The following KSR1 variants were observed in gnomAD, a reference collection of about 807,000 sequenced individuals.
KSR1 encodes the protein kinase suppressor of ras.
A neutral mutation model predicts 92.9 loss-of-function variants in KSR1; 35 were observed. The ratio of observed to expected loss-of-function variants is 0.38; its 90% confidence interval spans 0.29 to 0.50. KSR1 has a LOEUF of 0.50. KSR1 is among the 20% of genes least tolerant of loss of function. The pLI, the probability that KSR1 is intolerant of heterozygous loss-of-function variation, is 0.94. For synonymous variants in KSR1, 467 were observed against 472.6 expected, an observed-to-expected ratio of 0.99 and a Z score of 0.15; for missense variants, 972 against 1,158.5, an observed-to-expected ratio of 0.84 and a Z score of 2.34.
intron 1 of KSR1, among the ~76,000 whole-genome samples, chr17:27,548,825 CA>C (rs545406045): frequency 8.6e-4 from 121 of 140,018 alleles, no homozygotes; most frequent in Admixed American, 1.1e-3. Context: ...GTGACCATCT[CA>C]AAAAAAAAAA....
intron 1 of KSR1, among the ~76,000 whole-genome samples, chr17:27,524,637 A>G (rs1477236490): frequency 6.6e-6 from 1 of 152,224 alleles, no homozygotes; most frequent in Non-Finnish European, 1.5e-5. Flanking sequence ...CTGCCCCAGG[A>G]ATTGGGGAAG....
chr17:27,552,877 C>T (rs899834927), intron 2 of KSR1, among the ~76,000 whole-genome samples: 7 of 152,224 alleles, frequency 4.6e-5, no homozygotes, highest in Admixed American at 3.9e-4. Flanking sequence ...TCTGGCGTGT[C>T]ATGATGGGTA....
In KSR1 at chr17:27,582,770, G is replaced by A. The variant is rs2072814685; in HGVS notation, c.645G>A (p.Leu215=). 6.2e-7 allele frequency: 1 copy of A among 1,613,724 alleles called. No individual in the cohort carries two copies. ...SLPWPPGSSQ[L]GRAGNSAQGP... is the part of the protein sequence containing the mutation. ...CCTGGCCCCCAGGGAGCTCCCAGCT[G>A]GGCAGAGCAGGCAACAGCGCCCAGG... Residue 215 remains leucine, a synonymous_variant, in exon 4 of 21, where the codon CTG becomes CTA. Transcript: ENST00000644974.
intron 1 of KSR1, among the ~76,000 whole-genome samples, chr17:27,464,165 C>G (rs1372038999): frequency 6.6e-6 from 1 of 152,146 alleles, no homozygotes; most frequent in Non-Finnish European, 1.5e-5. Context: ...AAGGGGTTTC[C>G]TGCAGGAAGA....
chr17:27,583,952 G>T, intron 4 of KSR1: 1 of 984,080 alleles, frequency 1.0e-6, no homozygotes, highest in Non-Finnish European at 1.2e-6. Flanking sequence ...TAGCAGTTTT[G>T]TGTATGTCTA....
intron 3 of KSR1, chr17:27,578,789 G>C (rs988678816): frequency 6.6e-6 from 1 of 152,280 alleles, no homozygotes; most frequent in Non-Finnish European, 1.5e-5. Context: ...CTGTCTACCT[G>C]TCCTAGATGC....
At chr17:27,578,024 G>A (rs1852265310) in intron 3 of KSR1, 1 of 360,036 alleles carries the variant, frequency 2.8e-6, no homozygotes, top group East Asian at 7.6e-5. Context: ...TCTGTGCTCA[G>A]AAGGCACATG....
At chr17:27,570,099 G>A (rs987841090) in intron 2 of KSR1, among the ~76,000 whole-genome samples, 1 of 152,212 alleles carries the variant, frequency 6.6e-6, no homozygotes, top group Non-Finnish European at 1.5e-5. Flanking sequence ...CCTCCTTGGA[G>A]GAGCCTCCTG....
intron 3 of KSR1, 75 bp from the exon 4 acceptor site, chr17:27,582,571 C>G (rs2072805073): frequency 7.4e-7 from 1 of 1,358,560 alleles, no homozygotes; most frequent in Non-Finnish European, 1.0e-6. Context: ...TGTTGAACAT[C>G]TCTGGCCCCT....
At chr17:27,549,866 T>C (rs2071328891) in intron 1 of KSR1, among the ~76,000 whole-genome samples, 1 of 152,028 alleles carries the variant, frequency 6.6e-6, no homozygotes, top group Non-Finnish European at 1.5e-5. Flanking sequence ...TTATAGGGGG[T>C]TAAGTAACTT....
chr17:27,618,747 G>A (rs189216587), intron 19 of KSR1, among the ~76,000 whole-genome samples: 341 of 152,356 alleles, frequency 2.2e-3, no homozygotes, highest in Admixed American at 4.7e-3. Context: ...TGTAGAAAGT[G>A]AATCGCTTCA....
intron 1 of KSR1, among the ~76,000 whole-genome samples, chr17:27,485,888 G>A (rs910222093): frequency 1.3e-5 from 2 of 152,124 alleles, no homozygotes; most frequent in Non-Finnish European, 2.9e-5. Flanking sequence ...CTGCTCCCCC[G>A]AGGATTGAAA....
intron 3 of KSR1, 151 bp from the exon 4 acceptor site, chr17:27,582,495 T>G: frequency 1.4e-6 from 1 of 690,256 alleles, no homozygotes. Flanking sequence ...TGAGCGGCCT[T>G]TATAAACCAG....
chr17:27,566,030 TC>T (rs979856012), intron 2 of KSR1, among the ~76,000 whole-genome samples: 73 of 152,268 alleles, frequency 4.8e-4, no homozygotes, highest in African/African-American at 1.6e-3. Context: ...TCCATACCAC[TC>T]ACCCGAAGCA....
rs1351076278 is a variant in KSR1 at position 27,466,098 on chromosome 17, C to T, written c.231+9224C>T. ...AAGGTTCTGAGAAGTACTGCAACAA[C>T]AGTTCTCAAACTTATTTGTCCAGGG... On this transcript the variant is annotated intron_variant, in intron 1 of 20. Transcript: ENST00000644974. Among the ~76,000 whole-genome samples the T allele has an allele frequency of 2.0e-5, 3 of 152,272 alleles. No homozygotes were observed. In the East Asian group the frequency reaches 5.8e-4, roughly 29 times the overall value.
Position 27,605,422 on chromosome 17 carries a change from C to T in KSR1, c.1615-12C>T, listed in dbSNP as rs746142461. 1 of 1,605,778 alleles carries T rather than the reference C, an allele frequency of 6.2e-7. No individual in the cohort carries two copies. Among genetic ancestry groups the T allele is most frequent in the Non-Finnish European group, 8.5e-7 (1 of 1,178,270 alleles). On this transcript the variant is annotated splice_polypyrimidine_tract_variant and intron_variant, in intron 13 of 20. Transcript: ENST00000644974. ...CTGCTGCCCATCCCTGTTCTTCCTG[C>T]TCTCCTTTCAGGCTGAGGAGCCAGA...
intron 2 of KSR1, among the ~76,000 whole-genome samples, chr17:27,569,158 C>T (rs1224663631): frequency 1.3e-5 from 2 of 152,130 alleles, no homozygotes; most frequent in Admixed American, 6.5e-5. Context: ...TTTACAATCA[C>T]GCATTTTGTA....
intron 1 of KSR1, among the ~76,000 whole-genome samples, chr17:27,526,090 TTCTTTC>T (rs1300001857): frequency 1.1e-4 from 7 of 62,988 alleles, no homozygotes; most frequent in East Asian, 3.7e-4. Flanking sequence ...CTTTCTTTCT[TTCTTTC>T]TCTCTCTCTC....
intron 1 of KSR1, among the ~76,000 whole-genome samples, chr17:27,511,001 A>G (rs183896561): frequency 2.0e-4 from 30 of 152,354 alleles, no homozygotes; most frequent in African/African-American, 7.0e-4. Context: ...CTGAGAAGAC[A>G]GAGTCTCAGA....
Sources: allele counts gnomAD v4.1 joint callset (sites outside exome capture counted in the v4.1 genomes callset), GRCh38; gene constraint gnomAD v4.1.1; transcripts MANE v1.5; gene names NCBI Gene and HGNC (gene_info 2026-07-23, HGNC 2026-07-21).